IL1RAPL2: variants seen among roughly 807,000 people sequenced by gnomAD.
IL1RAPL2 encodes interleukin 1 receptor accessory protein like 2.
IL1RAPL2 carries 3 observed loss-of-function variants against 44.1 expected under a neutral mutation model. The observed-to-expected ratio is 0.07, with a 90% CI of 0.03 to 0.18. The LOEUF (loss-of-function observed/expected upper bound fraction) is 0.18. Among genes scored for constraint, IL1RAPL2 ranks in the 10% least tolerant of loss-of-function variants. The pLI is 1.00. For missense variants in IL1RAPL2, 391 were observed against 496.4 expected, an observed-to-expected ratio of 0.79 and a Z score of 2.02; for synonymous variants, 181 against 178.8, an observed-to-expected ratio of 1.01 and a Z score of -0.10.
intron 2 of IL1RAPL2, among the ~76,000 whole-genome samples, chrX:105,009,319 A>G (rs1348023822): frequency 9.0e-6 from 1 of 110,543 alleles, no homozygotes; most frequent in Non-Finnish European, 1.9e-5. Flanking sequence ...TTGCAGCACT[A>G]TTCACAATAG....
At chrX:105,316,663 T>C (rs1014011800) in intron 5 of IL1RAPL2, among the ~76,000 whole-genome samples, 5 of 111,808 alleles carry the variant, frequency 4.5e-5, no homozygotes, top group African/African-American at 1.3e-4. Flanking sequence ...CATAAGAAAG[T>C]TCAACTTCAT....
At chrX:105,169,492 CTTTTTTTTTTT>C (rs748101220) in intron 2 of IL1RAPL2, among the ~76,000 whole-genome samples, 27 of 41,561 alleles carry the variant, frequency 6.5e-4, no homozygotes, top group Middle Eastern at 0.017. Flanking sequence ...TTCTTTCTTT[CTTTTTTTTTTT>C]TTTTTTTTTT....
intron 2 of IL1RAPL2, among the ~76,000 whole-genome samples, chrX:105,051,372 G>A (rs1022188502): frequency 5.3e-5 from 6 of 112,883 alleles, no homozygotes; most frequent in Non-Finnish European, 1.1e-4. Flanking sequence ...GCTGCACCCA[G>A]GGAGCTTCTG....
chrX:104,683,906 C>T, intron 2 of IL1RAPL2, among the ~76,000 whole-genome samples: 1 of 112,118 alleles, frequency 8.9e-6, no homozygotes, highest in Middle Eastern at 4.6e-3. Context: ...AGACCCTCCA[C>T]CTCACCTACT....
At chrX:104,774,135 A>G (rs1267912974) in intron 2 of IL1RAPL2, among the ~76,000 whole-genome samples, 1 of 111,901 alleles carries the variant, frequency 8.9e-6, no homozygotes, top group East Asian at 2.8e-4. Context: ...TCTGTGCCAG[A>G]CACGACATTC....
intron 5 of IL1RAPL2, among the ~76,000 whole-genome samples, chrX:105,466,185 T>G (rs2036127829): frequency 9.0e-6 from 1 of 111,085 alleles, no homozygotes; most frequent in Admixed American, 9.6e-5. Flanking sequence ...ATTTGTGGAA[T>G]TAGACCCCTT....
chrX:105,375,963 T>C (rs1362387090), intron 5 of IL1RAPL2, among the ~76,000 whole-genome samples: 1 of 112,098 alleles, frequency 8.9e-6, no homozygotes, highest in Non-Finnish European at 1.9e-5. Flanking sequence ...AATAATTATT[T>C]CTTAACAAAA....
intron 2 of IL1RAPL2, among the ~76,000 whole-genome samples, chrX:104,743,154 T>TTG (rs1185118311): frequency 5.5e-5 from 6 of 109,801 alleles, no homozygotes; most frequent in Non-Finnish European, 7.6e-5. Context: ...ATGCAATGAG[T>TTG]TGTGTGTGTG....
intron 6 of IL1RAPL2, among the ~76,000 whole-genome samples, chrX:105,656,422 T>C (rs1368020739): frequency 9.0e-6 from 1 of 111,651 alleles, no homozygotes; most frequent in African/African-American, 3.3e-5. Context: ...ACAACCTGTT[T>C]GGTTATTTTT....
At chrX:105,031,893 A>C (rs190951275) in intron 2 of IL1RAPL2, among the ~76,000 whole-genome samples, 1 of 111,529 alleles carries the variant, frequency 9.0e-6, no homozygotes, top group Non-Finnish European at 1.9e-5. Context: ...GATTATTGCC[A>C]CAATTTCGGA....
chrX:105,499,379 A>G (rs2036377368), intron 6 of IL1RAPL2, among the ~76,000 whole-genome samples: 1 of 111,410 alleles, frequency 9.0e-6, no homozygotes, highest in Admixed American at 9.6e-5. Context: ...GAAGCAAAAA[A>G]TAGACAAGTG....
chrX:105,482,844 T>G (rs757831743), intron 5 of IL1RAPL2, among the ~76,000 whole-genome samples: 1 of 110,806 alleles, frequency 9.0e-6, no homozygotes, highest in Non-Finnish European at 1.9e-5. Context: ...ATAAAACATT[T>G]CTTTTTAGTA....
Position 105,195,744 on chromosome X carries a change from T to C in IL1RAPL2, c.352T>C (p.Leu118=). Residue 118 remains leucine (L), a synonymous_variant, in exon 3 of 11, where the codon TTA becomes CTA. Coordinates refer to ENST00000372582, the MANE Select transcript of IL1RAPL2 (RefSeq NM_017416.2). ...AQDSGFYTCV[L]RNSTYCMKVS... Reference sequence around the variant, plus strand: ...AGACAGTGGATTCTACACTTGTGTTTTAAGGTGAGTGTTGTGTGAAAACAT... The same window carrying C: ...AGACAGTGGATTCTACACTTGTGTTCTAAGGTGAGTGTTGTGTGAAAACAT... 8.3e-7 allele frequency: 1 copy of C among 1,210,682 alleles called. No homozygotes were observed. Among genetic ancestry groups the C allele is most frequent in the South Asian group, 1.8e-5 (1 of 56,941 alleles).
intron 6 of IL1RAPL2, among the ~76,000 whole-genome samples, chrX:105,656,475 G>A (rs192493485): frequency 8.1e-5 from 9 of 111,787 alleles, no homozygotes; most frequent in Admixed American, 7.6e-4. Flanking sequence ...TATTGAGCAC[G>A]TATTTTGTGA....
intron 5 of IL1RAPL2, among the ~76,000 whole-genome samples, chrX:105,303,304 A>T (rs1434078919): frequency 8.9e-6 from 1 of 112,253 alleles, no homozygotes; most frequent in Non-Finnish European, 1.9e-5. Context: ...CTGGGAAGGA[A>T]TTCTTACCCT....
chrX:104,667,582 T>C (rs1218221241), intron 2 of IL1RAPL2, among the ~76,000 whole-genome samples: 1 of 111,723 alleles, frequency 9.0e-6, no homozygotes, highest in Non-Finnish European at 1.9e-5. Context: ...ACATAGCTAG[T>C]AATTGGCAAA....
intron 1 of IL1RAPL2, among the ~76,000 whole-genome samples, chrX:104,636,853 C>T (rs746010725): frequency 3.6e-5 from 4 of 111,913 alleles, no homozygotes; most frequent in Non-Finnish European, 7.5e-5. Context: ...CACTGTCCTG[C>T]ACCCACTTTC....
chrX:105,714,451 C>T (rs1434336078), intron 6 of IL1RAPL2, among the ~76,000 whole-genome samples: 1 of 111,841 alleles, frequency 8.9e-6, no homozygotes, highest in Non-Finnish European at 1.9e-5. Context: ...TGTCTTAGTC[C>T]ATTTTCTGCT....
chrX:105,583,401 TA>T (rs1569456135), intron 6 of IL1RAPL2, among the ~76,000 whole-genome samples: 1 of 111,825 alleles, frequency 8.9e-6, no homozygotes, highest in East Asian at 2.8e-4. Flanking sequence ...CCCAAAGTGC[TA>T]AGATTACAGG....
Sources: allele counts gnomAD v4.1 joint callset (sites outside exome capture counted in the v4.1 genomes callset), GRCh38; gene constraint gnomAD v4.1.1; transcripts MANE v1.5; gene names NCBI Gene and HGNC (gene_info 2026-07-23, HGNC 2026-07-21).